The following CEP128 variants were observed in gnomAD, a reference collection of about 807,000 sequenced individuals.
CEP128 encodes centrosomal protein 128.
A neutral mutation model predicts 156.7 loss-of-function variants in CEP128; 132 were observed. That is an observed-to-expected ratio of 0.84 (90% CI 0.73 to 0.97). The LOEUF (loss-of-function observed/expected upper bound fraction) is 0.97. Among genes scored for constraint, CEP128 ranks in the 50% least tolerant of loss-of-function variants. The pLI, the probability that CEP128 is intolerant of heterozygous loss-of-function variation, is 0.00. For missense variants in CEP128, 1,252 were observed against 1,281.9 expected, an observed-to-expected ratio of 0.98 and a Z score of 0.36; for synonymous variants, 469 against 448.9, an observed-to-expected ratio of 1.04 and a Z score of -0.57.
intron 18 of CEP128, among the ~76,000 whole-genome samples, chr14:80,749,720 A>G (rs1188496166): frequency 1.3e-5 from 2 of 152,220 alleles, no homozygotes; most frequent in African/African-American, 4.8e-5. Context: ...CAGGGTGGTT[A>G]CAATGAACAA....
intron 9 of CEP128, among the ~76,000 whole-genome samples, chr14:80,849,544 T>C (rs181224608): frequency 6.6e-5 from 10 of 152,330 alleles, no homozygotes; most frequent in Admixed American, 6.5e-4. Context: ...ACTATCCTAA[T>C]ACTTGACCAC....
intron 21 of CEP128, among the ~76,000 whole-genome samples, chr14:80,533,958 A>G (rs1889354831): frequency 6.6e-6 from 1 of 152,180 alleles, no homozygotes. Context: ...ATAATTATAC[A>G]AAGAAAAAAG....
chr14:80,907,473 C>T (rs1380106752), intron 4 of CEP128, among the ~76,000 whole-genome samples: 2 of 151,716 alleles, frequency 1.3e-5, no homozygotes, highest in Admixed American at 6.6e-5. Context: ...GCCTGGCAAA[C>T]ATGGTGAAAC....
chr14:80,671,622 G>C (rs1895844975), intron 19 of CEP128, among the ~76,000 whole-genome samples: 1 of 152,072 alleles, frequency 6.6e-6, no homozygotes, highest in Non-Finnish European at 1.5e-5. Flanking sequence ...GGAATGAACA[G>C]AAATAAACAG....
At chr14:80,882,518 T>G (rs377712595) in intron 8 of CEP128, among the ~76,000 whole-genome samples, 37 of 152,230 alleles carry the variant, frequency 2.4e-4, no homozygotes, top group African/African-American at 7.5e-4. Flanking sequence ...TGAAGGGTCC[T>G]CAAAAAACTA....
At chr14:80,936,968 A>T (rs2371460) in intron 2 of CEP128, among the ~76,000 whole-genome samples, 38,573 of 148,328 alleles carry the variant, frequency 0.26, 5,549 homozygotes, top group African/African-American at 0.38. Context: ...TTAAAAATTT[A>T]AAAAAAAAAA....
At chr14:80,553,463 G>A (rs757557761) in intron 21 of CEP128, among the ~76,000 whole-genome samples, 24 of 152,112 alleles carry the variant, frequency 1.6e-4, no homozygotes, top group African/African-American at 4.8e-4. Flanking sequence ...TCATATGTAC[G>A]TATTTCCGTT....
intron 19 of CEP128, among the ~76,000 whole-genome samples, chr14:80,734,406 G>A (rs562565449): frequency 6.6e-6 from 1 of 152,004 alleles, no homozygotes; most frequent in South Asian, 2.1e-4. Flanking sequence ...TAGTTACTCT[G>A]CATTATTGCT....
In CEP128 at chr14:80,785,327, G is replaced by A. The variant is rs139506469; in HGVS notation, c.1779C>T (p.Ser593=). 46 of 1,613,942 alleles carry A rather than the reference G, an allele frequency of 2.9e-5. No individual in the cohort carries two copies. The African/African-American group carries it at 5.3e-4, about 19-fold the overall frequency. Residue 593 remains serine (S), a synonymous_variant, in exon 15 of 25, where the codon AGC becomes AGT. Coordinates refer to ENST00000555265, the MANE Select transcript of CEP128 (RefSeq NM_152446.5). ...GGATCTTACTCTGCTTTTTCAATTC[G>A]CTCTCCAGTCTATGGATGGTATCCA... The part of the protein sequence containing the change: ...NSLDTIHRLE[S]ELKKQSKIQS...
At chr14:80,955,370 A>G (rs1020434106) in intron 2 of CEP128, 2 of 462,580 alleles carry the variant, frequency 4.3e-6, no homozygotes, top group South Asian at 2.2e-5. Flanking sequence ...GGGCTGGAAA[A>G]CAGAGGGGAC....
At chr14:80,538,194 T>C (rs983258060) in intron 21 of CEP128, among the ~76,000 whole-genome samples, 2 of 152,254 alleles carry the variant, frequency 1.3e-5, no homozygotes, top group East Asian at 1.9e-4. Context: ...TCAACTCTAG[T>C]AACTTCTAAA....
intron 15 of CEP128, 72 bp from the exon 16 acceptor site, chr14:80,778,118 T>C: frequency 7.8e-7 from 1 of 1,276,608 alleles, no homozygotes; most frequent in South Asian, 1.3e-5. Context: ...CATTACATAT[T>C]TTATCAGTGG....
At chr14:80,655,169 C>G (rs1424996793) in intron 19 of CEP128, among the ~76,000 whole-genome samples, 1 of 152,110 alleles carries the variant, frequency 6.6e-6, no homozygotes, top group Non-Finnish European at 1.5e-5. Context: ...CTGTCAAACC[C>G]AGGCAGTGGA....
intron 19 of CEP128, among the ~76,000 whole-genome samples, chr14:80,698,166 T>C (rs928202993): frequency 6.6e-6 from 1 of 152,110 alleles, no homozygotes; most frequent in African/African-American, 2.4e-5. Context: ...TATTTTATTT[T>C]ACATTGTTGG....
At chr14:80,901,184 C>T (rs1432100377) in intron 6 of CEP128, among the ~76,000 whole-genome samples, 2 of 150,262 alleles carry the variant, frequency 1.3e-5, no homozygotes, top group Non-Finnish European at 3.0e-5. Flanking sequence ...CCAGCCTGGG[C>T]GACAGAGCGA....
intron 19 of CEP128, among the ~76,000 whole-genome samples, chr14:80,737,205 A>G (rs557188229): frequency 7.9e-5 from 12 of 152,090 alleles, no homozygotes; most frequent in Non-Finnish European, 1.6e-4. Context: ...GGCATTCAAG[A>G]CCAGCCCGGC....
At chr14:80,582,254 C>T (rs905607153) in intron 19 of CEP128, among the ~76,000 whole-genome samples, 1 of 152,200 alleles carries the variant, frequency 6.6e-6, no homozygotes, top group Non-Finnish European at 1.5e-5. Flanking sequence ...AACTCCAATT[C>T]ACAGAACCAG....
At position 80,793,082 on chromosome 14, in the gene CEP128, T is replaced by C. The variant is rs1376499115; in HGVS notation, c.1238A>G (p.Glu413Gly). 3.1e-6 allele frequency: 5 copies of C among 1,612,622 alleles called. No homozygotes were observed. In the African/African-American group the frequency reaches 6.7e-5, roughly 22 times the overall value. ...ATCCAACATCTGCAGTTGCTGTTTT[T>C]CCCCATTCTCCAGTTCACGTGTTAA... Reference protein sequence around the residue: ...ENLTRELENGEKQQLQMLDRL... With the variant: ...ENLTRELENGGKQQLQMLDRL... The change falls in exon 14 of 25, where the codon GAA (glutamate) becomes GGA (glycine). Residue 413 changes from glutamate to glycine, a missense_variant. Glu to Gly is a moderately conservative substitution (Grantham distance 98). Transcript: ENST00000555265.
intron 19 of CEP128, among the ~76,000 whole-genome samples, chr14:80,664,535 T>C (rs1895534449): frequency 6.6e-6 from 1 of 152,114 alleles, no homozygotes; most frequent in African/African-American, 2.4e-5. Flanking sequence ...CATAGGACCC[T>C]GTGCTGAACA....
Sources: allele counts gnomAD v4.1 joint callset (sites outside exome capture counted in the v4.1 genomes callset), GRCh38; gene constraint gnomAD v4.1.1; transcripts MANE v1.5; gene names NCBI Gene and HGNC (gene_info 2026-07-23, HGNC 2026-07-21).